Variants in GPC5 observed in about 807,000 individuals in gnomAD.
The protein encoded by GPC5 is glypican 5.
In GPC5, 47 loss-of-function variants were observed where a neutral mutation model predicts 53.9. That is an observed-to-expected ratio of 0.87 (90% confidence interval 0.69 to 1.11). The LOEUF is 1.11. Among genes scored for constraint, GPC5 ranks in the 50% most tolerant of loss-of-function variants. GPC5 has a pLI of 0.00. For missense variants in GPC5, 748 were observed against 713.1 expected (o/e 1.05, Z -0.56); for synonymous variants, 286 against 263.3 (o/e 1.09, Z -0.84).
chr13:91,658,804 T>G (rs1286265901), intron 2 of GPC5, among the ~76,000 whole-genome samples: 2 of 152,200 alleles, frequency 1.3e-5, no homozygotes, highest in Non-Finnish European at 2.9e-5. Flanking sequence ...GTGTCATTAA[T>G]GTGCAAAGTT....
intron 7 of GPC5, among the ~76,000 whole-genome samples, chr13:92,850,961 C>G (rs776107684): frequency 7.2e-5 from 11 of 152,172 alleles, no homozygotes; most frequent in Admixed American, 1.3e-4. Flanking sequence ...TAAATTGGCT[C>G]ATGGTTCTTT....
chr13:92,054,989 A>T (rs972711689), intron 6 of GPC5, among the ~76,000 whole-genome samples: 4 of 152,342 alleles, frequency 2.6e-5, no homozygotes, highest in African/African-American at 9.6e-5. Flanking sequence ...TAAAAAGGCC[A>T]ATCACAATTT....
intron 7 of GPC5, among the ~76,000 whole-genome samples, chr13:92,834,827 T>A (rs1956496564): frequency 6.6e-6 from 1 of 152,114 alleles, no homozygotes; most frequent in South Asian, 2.1e-4. Flanking sequence ...GGCCATAGTG[T>A]AAAGTTGGTT....
At chr13:91,449,360 A>C (rs1881026756) in intron 2 of GPC5, among the ~76,000 whole-genome samples, 1 of 152,044 alleles carries the variant, frequency 6.6e-6, no homozygotes, top group African/African-American at 2.4e-5. Flanking sequence ...TTTATATAAA[A>C]TTTTACTTTA....
chr13:91,586,525 TATATATATATATATATATATATATATATA>T (rs1297895193), intron 2 of GPC5, among the ~76,000 whole-genome samples: 1,331 of 31,920 alleles, frequency 0.042, 109 homozygotes, highest in African/African-American at 0.25. Flanking sequence ...TATATATATA[TATATATATATATATATATATATATATATA>T]TATATATGTA....
chr13:92,543,690 C>T (rs1882005404), intron 7 of GPC5, among the ~76,000 whole-genome samples: 1 of 151,902 alleles, frequency 6.6e-6, no homozygotes, highest in Non-Finnish European at 1.5e-5. Context: ...GCAGCTATAG[C>T]TGTGAATATA....
At position 92,105,342 on chromosome 13, in the gene GPC5, G is replaced by C. The variant is rs553367464; in HGVS notation, c.1402-39488G>C. ...GAATAGAGACGTCTACTTATTTCTA[G>C]CATAAAATTGTTTAATAAGCAAAAT... On this transcript the variant is annotated intron_variant, in intron 6 of 7. Transcript: ENST00000377067. Among the ~76,000 whole-genome samples, 14 of 152,098 alleles carry C rather than the reference G, an allele frequency of 9.2e-5. No individual in the cohort carries two copies. The South Asian group carries it at 1.9e-3, about 20-fold the overall frequency.
At chr13:92,076,821 A>C (rs1385172189) in intron 6 of GPC5, among the ~76,000 whole-genome samples, 1 of 152,304 alleles carries the variant, frequency 6.6e-6, no homozygotes, top group East Asian at 1.9e-4. Flanking sequence ...AATCTCTATT[A>C]ACATAGCTAG....
intron 5 of GPC5, among the ~76,000 whole-genome samples, chr13:91,866,159 T>C (rs2039082768): frequency 6.6e-6 from 1 of 152,024 alleles, no homozygotes; most frequent in Admixed American, 6.6e-5. Context: ...TGAGCTACTG[T>C]GCTCGGCCAT....
chr13:92,532,840 CT>C (rs1362102570), intron 7 of GPC5, among the ~76,000 whole-genome samples: 1 of 152,092 alleles, frequency 6.6e-6, no homozygotes, highest in Non-Finnish European at 1.5e-5. Context: ...AAAAGAACAT[CT>C]TTTGCAAAAT....
chr13:91,888,886 C>T (rs954869728), intron 5 of GPC5, among the ~76,000 whole-genome samples: 1 of 151,838 alleles, frequency 6.6e-6, no homozygotes, highest in Non-Finnish European at 1.5e-5. Flanking sequence ...AACAATGTAA[C>T]ATAGGGAGGG....
At chr13:91,833,642 A>G (rs944391120) in intron 5 of GPC5, among the ~76,000 whole-genome samples, 1 of 152,144 alleles carries the variant, frequency 6.6e-6, no homozygotes, top group Admixed American at 6.6e-5. Flanking sequence ...GACAAAAACC[A>G]CATGATTATC....
At chr13:92,348,240 G>A in intron 7 of GPC5, among the ~76,000 whole-genome samples, 1 of 151,076 alleles carries the variant, frequency 6.6e-6, no homozygotes, top group East Asian at 2.0e-4. Context: ...TTGTATTTTA[G>A]GACACACACA....
rs138461217 is a variant in GPC5, at chr13:92,765,178, G to A, written c.1562-101104G>A. On this transcript the variant is annotated intron_variant, in intron 7 of 7. Transcript: ENST00000377067. ...CCTCATTAGATTAATAAGCTGCCACGTAGAACTCACTGCATAGGTATTTTC... is the reference window on the plus strand; with the variant it reads ...CCTCATTAGATTAATAAGCTGCCACATAGAACTCACTGCATAGGTATTTTC... Among the ~76,000 whole-genome samples, 680 of 152,216 alleles carry A rather than the reference G, an allele frequency of 4.5e-3. 3 individuals are homozygous for A. Among genetic ancestry groups the A allele is most frequent in the Admixed American group, 7.8e-3 (119 of 15,286 alleles).
intron 7 of GPC5, among the ~76,000 whole-genome samples, chr13:92,587,094 T>C (rs1883561809): frequency 6.6e-6 from 1 of 152,084 alleles, no homozygotes; most frequent in African/African-American, 2.4e-5. Context: ...AGTTAGTAAA[T>C]ACATATGGTT....
intron 7 of GPC5, chr13:92,447,009 G>A (rs929735902): frequency 3.3e-5 from 5 of 151,992 alleles, no homozygotes; most frequent in Admixed American, 2.0e-4. Context: ...GTTGTTTGAG[G>A]TTCTTACATA....
chr13:92,708,699 G>A (rs922850020), intron 7 of GPC5, among the ~76,000 whole-genome samples: 2 of 151,150 alleles, frequency 1.3e-5, no homozygotes, highest in African/African-American at 4.9e-5. Context: ...GATGTTATTA[G>A]AGACAATACG....
At chr13:92,228,304 A>G (rs1319626999) in intron 7 of GPC5, among the ~76,000 whole-genome samples, 1 of 152,164 alleles carries the variant, frequency 6.6e-6, no homozygotes, top group East Asian at 1.9e-4. Flanking sequence ...ATATAAAACA[A>G]AAATATAAAT....
intron 7 of GPC5, among the ~76,000 whole-genome samples, chr13:92,206,195 T>A: frequency 7.0e-6 from 1 of 143,354 alleles, no homozygotes; most frequent in East Asian, 2.1e-4. Flanking sequence ...AGACAGAGTC[T>A]CGGTCTGTCG....
Sources: gnomAD v4.1 joint callset for allele counts (sites outside exome capture counted in the v4.1 genomes callset) on GRCh38, gnomAD v4.1.1 for gene constraint, MANE v1.5 for transcripts, NCBI Gene and HGNC (gene_info 2026-07-23, HGNC 2026-07-21) for gene names.